The following KLHL3 variants were observed in gnomAD, a reference collection of about 807,000 sequenced individuals.
KLHL3 encodes the protein kelch-like protein 3.
KLHL3 carries 19 observed loss-of-function variants against 70.5 expected under a neutral mutation model. The observed-to-expected ratio is 0.27, with a 90% CI of 0.19 to 0.40. The LOEUF is 0.40. Among genes scored for constraint, KLHL3 ranks in the 10% least tolerant of loss-of-function variants. The pLI is 1.00. For synonymous variants in KLHL3, 258 were observed against 290.3 expected, an observed-to-expected ratio of 0.89 and a Z score of 1.13; for missense variants, 512 against 771.1, an observed-to-expected ratio of 0.66 and a Z score of 3.98.
Position 137,670,506 on chromosome 5 carries a change from G to A in KLHL3, c.636+7039C>T, listed in dbSNP as rs187956834. ...TAGTAAAGGGGCTCAGGGGCCAAAT[G>A]AGCCTAAGAAACACATCATACTGTA... On this transcript the variant is annotated intron_variant, in intron 6 of 14. Transcript: ENST00000309755. 2.3e-4 allele frequency among the ~76,000 whole-genome samples: 34 copies of A among 150,644 alleles called. 1 individual carries two copies. Among genetic ancestry groups the A allele is most frequent in the Admixed American group, 2.2e-3 (33 of 14,888 alleles).
In KLHL3 at chr5:137,628,521, C is replaced by A. The variant is rs1350965038; in HGVS notation, c.1451-84G>T. On this transcript the variant is annotated intron_variant, in intron 12 of 14. Coordinates refer to ENST00000309755, the MANE Select transcript of KLHL3 (RefSeq NM_017415.3). ...AGGCCTGGCATCCAGTCCTGGACAG[C>A]CCTGACCAGTGAGGGGACTTGGGGA... is the stretch of plus-strand genomic sequence containing the variant. 2.7e-6 allele frequency: 4 copies of A among 1,506,402 alleles called. No individual in the cohort carries two copies. The African/African-American group carries it at 5.5e-5, about 21-fold the overall frequency. 93.3% of individuals were successfully genotyped at this position (1,506,402 alleles called of 1,614,324 possible).
At chr5:137,633,631 CAA>C (rs1028202916) in intron 12 of KLHL3, among the ~76,000 whole-genome samples, 4 of 151,916 alleles carry the variant, frequency 2.6e-5, no homozygotes, top group Non-Finnish European at 5.9e-5. Context: ...CTTATGCAAC[CAA>C]AAAAAGAGTG....
At chr5:137,624,371 C>G (rs1750401683) in intron 14 of KLHL3, among the ~76,000 whole-genome samples, 1 of 152,206 alleles carries the variant, frequency 6.6e-6, no homozygotes, top group Non-Finnish European at 1.5e-5. Context: ...CATTAAGGCA[C>G]ACATGGAGTC....
At chr5:137,677,147 GAAAGA>G (rs1751903461) in intron 6 of KLHL3, among the ~76,000 whole-genome samples, 1 of 151,830 alleles carries the variant, frequency 6.6e-6, no homozygotes, top group Admixed American at 6.6e-5. Context: ...GTTTTTCTCT[GAAAGA>G]AAAGAAAAGA....
At chr5:137,657,275 C>T (rs1188212354) in intron 8 of KLHL3, among the ~76,000 whole-genome samples, 1 of 152,166 alleles carries the variant, frequency 6.6e-6, no homozygotes, top group Non-Finnish European at 1.5e-5. Flanking sequence ...CCTGGTGCTG[C>T]CTACTGTGTC....
At position 137,624,706 on chromosome 5, in the gene KLHL3, G is replaced by A. The variant is rs1580712397; in HGVS notation, c.1735+1047C>T. ...AGAGATAATGACTATAAAATACTTT[G>A]GATAATGCCTGGTATGTTCTGTGCA... On this transcript the variant is annotated intron_variant, in intron 14 of 14. Transcript: ENST00000309755. Among the ~76,000 whole-genome samples the A allele has an allele frequency of 2.0e-5, 3 of 152,086 alleles. No homozygotes were observed. The East Asian group carries it at 5.8e-4, about 29-fold the overall frequency.
chr5:137,643,713 C>T, intron 8 of KLHL3, among the ~76,000 whole-genome samples: 1 of 152,176 alleles, frequency 6.6e-6, no homozygotes, highest in East Asian at 1.9e-4. Context: ...CCATCTCAAA[C>T]ACTTATTATT....
intron 2 of KLHL3, among the ~76,000 whole-genome samples, chr5:137,717,999 G>A (rs1752926949): frequency 6.6e-6 from 1 of 152,228 alleles, no homozygotes; most frequent in Non-Finnish European, 1.5e-5. Flanking sequence ...CGGCTCTATA[G>A]TCAAATATGT....
chr5:137,734,332 C>CA (rs544499992), intron 1 of KLHL3, among the ~76,000 whole-genome samples: 95 of 152,286 alleles, frequency 6.2e-4, no homozygotes, highest in African/African-American at 2.1e-3. Flanking sequence ...CAGCAGGCCT[C>CA]ACAGAGTTCA....
intron 6 of KLHL3, among the ~76,000 whole-genome samples, chr5:137,674,193 G>A (rs943683310): frequency 2.0e-5 from 3 of 152,126 alleles, no homozygotes; most frequent in East Asian, 1.9e-4. Flanking sequence ...ACCTTTTACA[G>A]ATGAGAAAAC....
At chr5:137,636,659 T>C (rs1750773591) in intron 11 of KLHL3, among the ~76,000 whole-genome samples, 1 of 152,068 alleles carries the variant, frequency 6.6e-6, no homozygotes, top group African/African-American at 2.4e-5. Context: ...ATCTGAGGCC[T>C]GCCTATCTCC....
At chr5:137,664,363 A>T (rs150926085) in intron 6 of KLHL3, among the ~76,000 whole-genome samples, 171 of 152,018 alleles carry the variant, frequency 1.1e-3, no homozygotes, top group African/African-American at 3.8e-3. Flanking sequence ...AAAAAAAATT[A>T]AAAAAAATAA....
At chr5:137,628,520 GC>G in intron 12 of KLHL3, 83 bp from the exon 13 acceptor site, 2 of 1,510,290 alleles carry the variant, frequency 1.3e-6, no homozygotes, top group Non-Finnish European at 1.8e-6. Flanking sequence ...GTCCTGGACA[GC>G]CCTGACCAGT....
rs754252828 is a variant in KLHL3, at chr5:137,639,258, A to C, written c.1022-108T>G. ...CAGACACAGGAAAAGTCGCCACCGAAGATACTTTAGGTATTTGGCAGTCAT... is the reference window on the plus strand; with the variant it reads ...CAGACACAGGAAAAGTCGCCACCGACGATACTTTAGGTATTTGGCAGTCAT... On this transcript the variant is annotated intron_variant, in intron 9 of 14. Coordinates refer to ENST00000309755, the MANE Select transcript of KLHL3 (RefSeq NM_017415.3). This position sits in a 1 kb window ranked among gnomAD's most constrained non-coding sequence, Gnocchi z 5.0. The C allele has an allele frequency of 1.6e-5, 16 of 1,004,778 alleles. No individual in the cohort carries two copies. The highest frequency in any genetic ancestry group is 2.2e-5 in the Non-Finnish European group (15 of 671,208). The allele number at this position is 1,004,778 out of a possible 1,614,324, so 62.2% of individuals were successfully genotyped here. A position where few individuals can be genotyped will look rare whatever the true frequency, so the allele number is the denominator to read the frequency against.
At chr5:137,725,349 A>G (rs1753069634) in intron 1 of KLHL3, among the ~76,000 whole-genome samples, 1 of 152,166 alleles carries the variant, frequency 6.6e-6, no homozygotes, top group African/African-American at 2.4e-5. Context: ...AAAGCATTTC[A>G]CAGTAAATGC....
rs1750284710 is a variant in KLHL3 at position 137,621,144 on chromosome 5, C to G, written c.*954G>C. 1 of 152,658 alleles carries G rather than the reference C, an allele frequency of 6.6e-6. No individual in the cohort carries two copies. The highest frequency in any genetic ancestry group is 2.4e-5 in the African/African-American group (1 of 41,458). 9.5% of individuals were successfully genotyped at this position (152,658 alleles called of 1,614,324 possible). On this transcript the variant is annotated 3_prime_UTR_variant, in exon 15 of 15. Transcript: ENST00000309755. ...AAGTATAAATGGGGACTGTCCTGTCCTGGGAAAACCTAAAAGTAGGACCCT... is the reference window on the plus strand; with the variant it reads ...AAGTATAAATGGGGACTGTCCTGTCGTGGGAAAACCTAAAAGTAGGACCCT...
intron 6 of KLHL3, among the ~76,000 whole-genome samples, chr5:137,676,476 G>A (rs953414141): frequency 6.6e-6 from 1 of 152,158 alleles, no homozygotes; most frequent in Non-Finnish European, 1.5e-5. Context: ...TGTGGGAGGA[G>A]GATCAGCTCA....
Position 137,677,554 on chromosome 5 carries a change from T to A in KLHL3, c.627A>T (p.Ser209=). Residue 209 remains serine (S), a synonymous_variant, in exon 6 of 15, where the codon TCA becomes TCT. Coordinates refer to ENST00000309755, the MANE Select transcript of KLHL3 (RefSeq NM_017415.3). ...GTGAGCCATGTCATACCTTCTCTTC[T>A]GAAGAAACGGTCAGCTTGTCGCTGG... ...LISSDKLTVS[S]EEKVFEAVIS... is the part of the protein sequence containing the mutation. 1 of 1,599,082 alleles carries A rather than the reference T, an allele frequency of 6.3e-7. No homozygotes were observed. Among genetic ancestry groups the A allele is most frequent in the South Asian group, 1.1e-5 (1 of 88,556 alleles).
chr5:137,671,599 C>T (rs1421136384), intron 6 of KLHL3, among the ~76,000 whole-genome samples: 2 of 152,150 alleles, frequency 1.3e-5, no homozygotes, highest in Non-Finnish European at 2.9e-5. Flanking sequence ...CTCTCTGAAC[C>T]TTAGTTTCTT....
Sources: allele counts gnomAD v4.1 joint callset (sites outside exome capture counted in the v4.1 genomes callset), GRCh38; gene constraint gnomAD v4.1.1; non-coding constraint Gnocchi (gnomAD v3.1); transcripts MANE v1.5; gene names NCBI Gene and HGNC (gene_info 2026-07-23, HGNC 2026-07-21).